Variants in SCEL observed in about 807,000 individuals in gnomAD.
SCEL encodes the protein sciellin.
Under a neutral mutation model 117.6 loss-of-function variants are expected in SCEL, and 113 were observed. The ratio of observed to expected loss-of-function variants is 0.96; its 90% CI spans 0.83 to 1.12. SCEL has a LOEUF of 1.12. Among genes scored for constraint, SCEL ranks in the 50% most tolerant of loss-of-function variants. The pLI, the probability that SCEL is intolerant of heterozygous loss-of-function variation, is 0.00. For synonymous variants in SCEL, 270 were observed against 256.2 expected, an observed-to-expected ratio of 1.05 and a Z score of -0.51; for missense variants, 785 against 810.8, an observed-to-expected ratio of 0.97 and a Z score of 0.39.
intron 11 of SCEL, among the ~76,000 whole-genome samples, chr13:77,592,666 C>T (rs1327727074): frequency 6.6e-6 from 1 of 151,466 alleles, no homozygotes; most frequent in Admixed American, 6.6e-5. Flanking sequence ...TCAGGAGATC[C>T]TCCTGCCTTA....
chr13:77,592,558 CTT>C (rs1420511259), intron 11 of SCEL, among the ~76,000 whole-genome samples: 53 of 141,634 alleles, frequency 3.7e-4, no homozygotes, highest in African/African-American at 1.1e-3. Flanking sequence ...TCTTCTTCTT[CTT>C]CCTTTTTTTT....
intron 19 of SCEL, among the ~76,000 whole-genome samples, chr13:77,604,985 G>A (rs981045441): frequency 6.6e-6 from 1 of 152,012 alleles, no homozygotes; most frequent in African/African-American, 2.4e-5. Context: ...TGCATGTAGT[G>A]TGGTGTGTAT....
Position 77,644,343 on chromosome 13 carries a change from A to C in SCEL, c.*69A>C. On this transcript the variant is annotated 3_prime_UTR_variant, in exon 33 of 33. Transcript: ENST00000349847. Reference sequence around the variant, plus strand: ...TTAAAGTTACAAGTTTTATCTTAATAATATGTAATCTAGAAAAGCTTTCAC... The same window carrying C: ...TTAAAGTTACAAGTTTTATCTTAATCATATGTAATCTAGAAAAGCTTTCAC... The C allele has an allele frequency of 6.8e-7, 1 of 1,481,016 alleles. No homozygotes were observed. The highest frequency in any genetic ancestry group is 9.4e-7 in the Non-Finnish European group (1 of 1,065,946). 91.7% of individuals were successfully genotyped at this position (1,481,016 alleles called of 1,614,324 possible).
chr13:77,587,353 C>T (rs949905651), intron 9 of SCEL, among the ~76,000 whole-genome samples: 3 of 152,014 alleles, frequency 2.0e-5, no homozygotes, highest in African/African-American at 7.2e-5. Flanking sequence ...CCCTCTCTCT[C>T]CTGCATCAAT....
intron 1 of SCEL, among the ~76,000 whole-genome samples, chr13:77,536,218 G>A (rs1363101528): frequency 6.6e-6 from 1 of 152,050 alleles, no homozygotes; most frequent in Non-Finnish European, 1.5e-5. Context: ...CATAAATGAT[G>A]CTTTTAGTGA....
chr13:77,566,497 A>G (rs572007623), intron 5 of SCEL, among the ~76,000 whole-genome samples: 1 of 149,606 alleles, frequency 6.7e-6, no homozygotes, highest in African/African-American at 2.4e-5. Context: ...TGACTCAAGA[A>G]GCAGATGAAC....
chr13:77,552,746 G>A (rs1027627629), intron 1 of SCEL, among the ~76,000 whole-genome samples: 3 of 152,160 alleles, frequency 2.0e-5, no homozygotes, highest in African/African-American at 7.2e-5. Context: ...TGCTTTTGGT[G>A]TTTTAGACAT....
At chr13:77,629,083 T>G (rs1173001571) in intron 28 of SCEL, among the ~76,000 whole-genome samples, 1 of 152,204 alleles carries the variant, frequency 6.6e-6, no homozygotes, top group Non-Finnish European at 1.5e-5. Flanking sequence ...CCATTTGATT[T>G]GAGAAGCATT....
intron 9 of SCEL, among the ~76,000 whole-genome samples, chr13:77,572,419 G>T (rs2085692170): frequency 6.6e-6 from 1 of 152,100 alleles, no homozygotes; most frequent in Admixed American, 6.6e-5. Context: ...AGATTGCTAG[G>T]GTTGCTTAGA....
chr13:77,618,146 C>T (rs1171283472), intron 27 of SCEL, 86 bp downstream of exon 27: 2 of 979,502 alleles, frequency 2.0e-6, no homozygotes, highest in Non-Finnish European at 3.3e-6. Flanking sequence ...GCCTCCCTCC[C>T]TTCCTCCCTT....
intron 9 of SCEL, among the ~76,000 whole-genome samples, chr13:77,583,692 C>A (rs2086393632): frequency 6.6e-6 from 1 of 152,150 alleles, no homozygotes; most frequent in African/African-American, 2.4e-5. Flanking sequence ...CAGTTTGAAA[C>A]CCTGGCTAAG....
At chr13:77,580,810 A>T (rs2086224572) in intron 9 of SCEL, among the ~76,000 whole-genome samples, 1 of 152,186 alleles carries the variant, frequency 6.6e-6, no homozygotes, top group African/African-American at 2.4e-5. Context: ...GTAGAAACGC[A>T]TCTGGGAAAA....
intron 19 of SCEL, chr13:77,606,668 A>T (rs1315435000): frequency 1.3e-5 from 2 of 152,182 alleles, no homozygotes; most frequent in Admixed American, 6.5e-5. Context: ...CAAAGTAATT[A>T]TTGCTACTTT....
At chr13:77,618,785 T>C (rs914492666) in intron 27 of SCEL, among the ~76,000 whole-genome samples, 2 of 152,114 alleles carry the variant, frequency 1.3e-5, no homozygotes, top group East Asian at 1.9e-4. Flanking sequence ...TTTGAAGAAG[T>C]TGAACCAAAC....
At chr13:77,612,099 A>C (rs941826432) in intron 22 of SCEL, among the ~76,000 whole-genome samples, 1 of 152,164 alleles carries the variant, frequency 6.6e-6, no homozygotes, top group Admixed American at 6.5e-5. Flanking sequence ...GAACCTATAG[A>C]TTAGTCCTAA....
intron 9 of SCEL, among the ~76,000 whole-genome samples, chr13:77,584,064 TG>T (rs1027287530): frequency 4.6e-5 from 7 of 152,208 alleles, no homozygotes; most frequent in African/African-American, 1.7e-4. Context: ...TTGAGGGGTC[TG>T]GGGATGGGTG....
At chr13:77,604,180 A>C (rs2087935936) in intron 18 of SCEL, 176 bp from the exon 19 acceptor site, 1 of 443,466 alleles carries the variant, frequency 2.3e-6, no homozygotes, top group Admixed American at 4.3e-5. Flanking sequence ...AGCAACATTA[A>C]ATGGTCTTCA....
intron 30 of SCEL, among the ~76,000 whole-genome samples, chr13:77,640,116 CT>C (rs1449972644): frequency 3.3e-5 from 5 of 151,964 alleles, no homozygotes; most frequent in African/African-American, 1.2e-4. Flanking sequence ...GATAGGTATC[CT>C]TATATCCTGA....
intron 5 of SCEL, among the ~76,000 whole-genome samples, chr13:77,565,818 A>G (rs948126506): frequency 9.2e-5 from 14 of 152,234 alleles, no homozygotes; most frequent in African/African-American, 3.4e-4. Context: ...ATCCAGAGAC[A>G]GTGGGTTATA....
Sources: allele counts gnomAD v4.1 joint callset (sites outside exome capture counted in the v4.1 genomes callset), GRCh38; gene constraint gnomAD v4.1.1; transcripts MANE v1.5; gene names NCBI Gene and HGNC (gene_info 2026-07-23, HGNC 2026-07-21).